Variants in PHTF1 observed in about 807,000 individuals in gnomAD.
PHTF1 encodes the protein putative homeodomain transcription factor 1.
A neutral mutation model predicts 102.4 loss-of-function variants in PHTF1; 88 were observed. That is an observed-to-expected ratio of 0.86 (90% CI 0.72 to 1.03). The LOEUF is 1.03. Among genes scored for constraint, PHTF1 ranks in the 50% least tolerant of loss-of-function variants. The pLI, the probability that PHTF1 is intolerant of heterozygous loss-of-function variation, is 0.00. For missense variants in PHTF1, 814 were observed against 909.5 expected (o/e 0.89, Z 1.35); for synonymous variants, 289 against 305.2 (o/e 0.95, Z 0.55).
intron 13 of PHTF1, 93 bp downstream of exon 13, chr1:113,705,797 C>T (rs768251515): frequency 9.6e-6 from 9 of 934,066 alleles, no homozygotes; most frequent in Middle Eastern, 2.6e-4. Context: ...CCCACATCAA[C>T]TTGAAGAGAG....
intron 14 of PHTF1, among the ~76,000 whole-genome samples, chr1:113,704,384 C>T (rs191472883): frequency 8.9e-4 from 136 of 152,268 alleles, no homozygotes; most frequent in Non-Finnish European, 1.6e-3. Flanking sequence ...GACATACTTT[C>T]GGCTGGAGTA....
chr1:113,727,744 T>C (rs1290587827), intron 5 of PHTF1, among the ~76,000 whole-genome samples: 1 of 151,980 alleles, frequency 6.6e-6, no homozygotes, highest in African/African-American at 2.4e-5. Context: ...GGTGGGTAGA[T>C]CACTTAAGCC....
chr1:113,735,668 C>T (rs549652340), intron 5 of PHTF1, among the ~76,000 whole-genome samples: 349 of 151,994 alleles, frequency 2.3e-3, no homozygotes, highest in Non-Finnish European at 2.0e-3. Flanking sequence ...AGCACAGACG[C>T]GGAACATTTC....
Position 113,721,695 on chromosome 1 carries a change from A to G in PHTF1, c.623+3064T>C, listed in dbSNP as rs538025573. Among the ~76,000 whole-genome samples the G allele has an allele frequency of 5.9e-5, 9 of 152,134 alleles. No individual in the cohort carries two copies. The South Asian group carries it at 1.0e-3, about 18-fold the overall frequency. On this transcript the variant is annotated intron_variant, in intron 7 of 18. Coordinates refer to ENST00000369604, the MANE Select transcript of PHTF1 (RefSeq NM_001323043.2). ...CAAAATTGACATAAAAATCAATAGC[A>G]TTTCTTTTTTTTGAGACAGAGTCTT...
At chr1:113,723,424 C>A (rs547161254) in intron 7 of PHTF1, among the ~76,000 whole-genome samples, 1 of 152,100 alleles carries the variant, frequency 6.6e-6, no homozygotes, top group African/African-American at 2.4e-5. Context: ...ATGATCCCCC[C>A]GCCTCAGCCT....
chr1:113,738,602 C>A, intron 4 of PHTF1, 128 bp downstream of exon 4: 1 of 647,148 alleles, frequency 1.5e-6, no homozygotes, highest in Non-Finnish European at 2.7e-6. Flanking sequence ...GTGCTAAAGC[C>A]TGAATGATGA....
chr1:113,748,795 G>A (rs1376337843), intron 3 of PHTF1, among the ~76,000 whole-genome samples: 7 of 152,134 alleles, frequency 4.6e-5, no homozygotes, highest in African/African-American at 1.7e-4. Context: ...GCCTCCCAAA[G>A]TGCTGAGATT....
rs990969559 is a variant in PHTF1, at chr1:113,697,573, G to A, written c.*132C>T. Reference sequence around the variant, plus strand: ...GCTCCTCCGGAAACACCATTCATTCGCTTTGGCAGAGCTGAGAGCACCTGT... The same window carrying A: ...GCTCCTCCGGAAACACCATTCATTCACTTTGGCAGAGCTGAGAGCACCTGT... On this transcript the variant is annotated 3_prime_UTR_variant, in exon 19 of 19. Coordinates refer to ENST00000369604, the MANE Select transcript of PHTF1 (RefSeq NM_001323043.2). 15 of 636,852 alleles carry A rather than the reference G, an allele frequency of 2.4e-5. No homozygotes were observed. Among genetic ancestry groups the A allele is most frequent in the Non-Finnish European group, 3.7e-5 (13 of 353,266 alleles). 39.5% of individuals were successfully genotyped at this position (636,852 alleles called of 1,614,324 possible).
chr1:113,743,424 C>A (rs750929239), intron 3 of PHTF1, among the ~76,000 whole-genome samples: 1 of 152,066 alleles, frequency 6.6e-6, no homozygotes, highest in Non-Finnish European at 1.5e-5. Context: ...TTCTGGAATA[C>A]CTCCTGAAGG....
intron 4 of PHTF1, 65 bp from the exon 5 acceptor site, chr1:113,738,333 G>A: frequency 8.1e-7 from 1 of 1,229,588 alleles, no homozygotes; most frequent in Non-Finnish European, 1.2e-6. Flanking sequence ...GCCACCTGTA[G>A]CACTACATTA....
At chr1:113,729,017 C>G (rs1436235867) in intron 5 of PHTF1, among the ~76,000 whole-genome samples, 3 of 152,120 alleles carry the variant, frequency 2.0e-5, no homozygotes, top group East Asian at 3.9e-4. Context: ...TGGAAGCAAC[C>G]TAAGTGTCCA....
intron 11 of PHTF1, among the ~76,000 whole-genome samples, chr1:113,709,732 A>C (rs1650771366): frequency 6.6e-6 from 1 of 152,206 alleles, no homozygotes; most frequent in African/African-American, 2.4e-5. Context: ...TTATCACCAC[A>C]TAACAGATGG....
At chr1:113,718,643 T>A (rs1469571692) in intron 7 of PHTF1, among the ~76,000 whole-genome samples, 1 of 152,232 alleles carries the variant, frequency 6.6e-6, no homozygotes, top group African/African-American at 2.4e-5. Context: ...ATTCTTGACT[T>A]CTGTGCACCT....
rs1649790822 is a variant in PHTF1, at chr1:113,704,253, C to T, written c.1804-86G>A. 9 of 675,366 alleles carry T rather than the reference C, an allele frequency of 1.3e-5. No homozygotes were observed. In the South Asian group the frequency reaches 2.1e-4, roughly 16 times the overall value. 41.8% of individuals were successfully genotyped at this position (675,366 alleles called of 1,614,324 possible). Reference sequence around the variant, plus strand: ...ATTATTAACACTCTGAATTGTACTACATTCGTGTGAAAATAATGTTTATAA... The same window carrying T: ...ATTATTAACACTCTGAATTGTACTATATTCGTGTGAAAATAATGTTTATAA... On this transcript the variant is annotated intron_variant, in intron 14 of 18. Coordinates refer to ENST00000369604, the MANE Select transcript of PHTF1 (RefSeq NM_001323043.2).
chr1:113,744,497 A>T (rs1656900831), intron 3 of PHTF1, among the ~76,000 whole-genome samples: 1 of 152,310 alleles, frequency 6.6e-6, no homozygotes, highest in South Asian at 2.1e-4. Context: ...GTGAACAACA[A>T]AACAATTACA....
At chr1:113,718,857 A>G (rs115584284) in intron 7 of PHTF1, among the ~76,000 whole-genome samples, 39,352 of 152,196 alleles carry the variant, frequency 0.26, 5,401 homozygotes, top group South Asian at 0.39. Flanking sequence ...AGGCCTGTGA[A>G]GGGAGGGGCT....
intron 3 of PHTF1, among the ~76,000 whole-genome samples, chr1:113,745,280 G>A (rs10858017): frequency 0.75 from 113,489 of 151,992 alleles, 42,979 homozygotes; most frequent in African/African-American, 0.83. Flanking sequence ...ACAGTTTTAA[G>A]TATGAGAAAA....
chr1:113,706,851 CTTTTTTTTTTT>C (rs11363653), intron 11 of PHTF1, 129 bp from the exon 12 acceptor site: 11 of 217,654 alleles, frequency 5.1e-5, no homozygotes, highest in Non-Finnish European at 8.7e-5. Flanking sequence ...TTCTTTCTTT[CTTTTTTTTTTT>C]TTTTTTTTTT....
chr1:113,718,619 G>A (rs983642227), intron 7 of PHTF1, among the ~76,000 whole-genome samples: 6 of 152,230 alleles, frequency 3.9e-5, no homozygotes, highest in Admixed American at 3.9e-4. Flanking sequence ...CTAGGCAGAG[G>A]TTCCCAAACC....
Sources: gnomAD v4.1 joint callset for allele counts (sites outside exome capture counted in the v4.1 genomes callset) on GRCh38, gnomAD v4.1.1 for gene constraint, MANE v1.5 for transcripts, NCBI Gene and HGNC (gene_info 2026-07-23, HGNC 2026-07-21) for gene names.